The following TMEM108 variants were observed in gnomAD, a reference collection of about 807,000 sequenced individuals.
TMEM108 encodes the protein transmembrane protein 108, also known as cancer/testis antigen 124.
A neutral mutation model predicts 35.1 loss-of-function variants in TMEM108; 12 were observed. That is an observed-to-expected ratio of 0.34 (90% CI 0.22 to 0.55). The LOEUF is 0.55. Among genes scored for constraint, TMEM108 ranks in the 20% least tolerant of loss-of-function variants. The pLI, the probability that TMEM108 is intolerant of heterozygous loss-of-function variation, is 0.89. For missense variants in TMEM108, 680 were observed against 753.3 expected (o/e 0.90, Z 1.14); for synonymous variants, 287 against 308.6 (o/e 0.93, Z 0.73).
At chr3:133,131,167 A>G (rs1272275786) in intron 2 of TMEM108, among the ~76,000 whole-genome samples, 3 of 152,128 alleles carry the variant, frequency 2.0e-5, no homozygotes, top group African/African-American at 7.2e-5. Context: ...AGGGAAGGCA[A>G]TTGCACTTAA....
chr3:133,302,248 T>A (rs938973268), intron 3 of TMEM108, among the ~76,000 whole-genome samples: 6 of 152,180 alleles, frequency 3.9e-5, no homozygotes, highest in African/African-American at 1.4e-4. Context: ...CACATCAGTG[T>A]AACCACATGA....
chr3:133,054,816 A>G (rs6439384), intron 2 of TMEM108, among the ~76,000 whole-genome samples: 23,073 of 152,230 alleles, frequency 0.15, 2,295 homozygotes, highest in African/African-American at 0.29. Context: ...CGTCATTTCA[A>G]TGAATTATTT....
chr3:133,388,074 G>A (rs1461391160), intron 4 of TMEM108: 2 of 985,336 alleles, frequency 2.0e-6, no homozygotes, highest in African/African-American at 3.5e-5. Flanking sequence ...CTGAAGAGCT[G>A]TTCTGTTTGT....
chr3:133,193,471 A>AG (rs1945529778), intron 2 of TMEM108, among the ~76,000 whole-genome samples: 1 of 152,172 alleles, frequency 6.6e-6, no homozygotes, highest in Non-Finnish European at 1.5e-5. Context: ...GTTTGATAGA[A>AG]GGACAGTGAG....
chr3:133,171,910 A>C (rs1337146252), intron 2 of TMEM108, among the ~76,000 whole-genome samples: 1 of 152,216 alleles, frequency 6.6e-6, no homozygotes, highest in East Asian at 1.9e-4. Context: ...GCATTCTCAC[A>C]ATTTCCTGCA....
At chr3:133,120,606 G>T (rs1944341044) in intron 2 of TMEM108, among the ~76,000 whole-genome samples, 1 of 152,028 alleles carries the variant, frequency 6.6e-6, no homozygotes, top group Non-Finnish European at 1.5e-5. Context: ...TTATGTTTGT[G>T]TCTAATTTTT....
chr3:133,052,335 T>A (rs1200605392), intron 2 of TMEM108, among the ~76,000 whole-genome samples: 1 of 152,144 alleles, frequency 6.6e-6, no homozygotes, highest in Non-Finnish European at 1.5e-5. Flanking sequence ...TATTCTAGTA[T>A]CCTGCAACCT....
At chr3:133,079,436 T>C (rs1227773306) in intron 2 of TMEM108, among the ~76,000 whole-genome samples, 1 of 152,198 alleles carries the variant, frequency 6.6e-6, no homozygotes, top group Non-Finnish European at 1.5e-5. Flanking sequence ...TACAGTTGTG[T>C]AGGCTGGAAG....
At chr3:133,265,258 G>T (rs541113465) in intron 3 of TMEM108, among the ~76,000 whole-genome samples, 1 of 152,142 alleles carries the variant, frequency 6.6e-6, no homozygotes, top group Non-Finnish European at 1.5e-5. Context: ...GACAGCTTTT[G>T]TTCCTGTCTC....
intron 2 of TMEM108, among the ~76,000 whole-genome samples, chr3:133,069,170 C>T (rs914344329): frequency 6.6e-6 from 1 of 152,118 alleles, no homozygotes; most frequent in Non-Finnish European, 1.5e-5. Flanking sequence ...AGGATGGAGC[C>T]GATGGCTCTG....
chr3:133,308,936 G>T (rs1177910438), intron 3 of TMEM108, among the ~76,000 whole-genome samples: 1 of 152,178 alleles, frequency 6.6e-6, no homozygotes, highest in Non-Finnish European at 1.5e-5. Flanking sequence ...AGAAGGAATG[G>T]TACCAGCTCC....
chr3:133,225,505 ATTC>A (rs1946056895), intron 2 of TMEM108, among the ~76,000 whole-genome samples: 2 of 152,126 alleles, frequency 1.3e-5, no homozygotes, highest in Non-Finnish European at 2.9e-5. Flanking sequence ...CCTGAAAGGA[ATTC>A]TTCTGATTTC....
chr3:133,195,145 A>G (rs1945558585), intron 2 of TMEM108, among the ~76,000 whole-genome samples: 1 of 152,174 alleles, frequency 6.6e-6, no homozygotes, highest in African/African-American at 2.4e-5. Flanking sequence ...ATAATAAGAA[A>G]CGACAACTAA....
At chr3:133,085,572 T>A (rs1475175384) in intron 2 of TMEM108, among the ~76,000 whole-genome samples, 1 of 152,170 alleles carries the variant, frequency 6.6e-6, no homozygotes, top group Non-Finnish European at 1.5e-5. Flanking sequence ...TATGTTACAA[T>A]CAATTATAGT....
chr3:133,056,090 T>G (rs1361841471), intron 2 of TMEM108, among the ~76,000 whole-genome samples: 1 of 129,906 alleles, frequency 7.7e-6, no homozygotes, highest in Non-Finnish European at 1.7e-5. Context: ...CCTTAAGTTC[T>G]TTAGTCTCTT....
At chr3:133,170,812 G>A (rs952863983) in intron 2 of TMEM108, among the ~76,000 whole-genome samples, 1 of 152,092 alleles carries the variant, frequency 6.6e-6, no homozygotes, top group South Asian at 2.1e-4. Context: ...AAAAATATAG[G>A]TATTGTTGCT....
chr3:133,394,397 C>G (rs1271160117), intron 5 of TMEM108, among the ~76,000 whole-genome samples: 1 of 152,200 alleles, frequency 6.6e-6, no homozygotes, highest in African/African-American at 2.4e-5. Context: ...AACTTCCATT[C>G]TTTTTTCTTT....
intron 3 of TMEM108, among the ~76,000 whole-genome samples, chr3:133,290,798 A>C (rs1947052580): frequency 6.6e-6 from 1 of 152,160 alleles, no homozygotes; most frequent in Non-Finnish European, 1.5e-5. Context: ...GATTACCTTC[A>C]CTTTTTCCAG....
At chr3:133,314,017 CCTTT>C (rs992980603) in intron 3 of TMEM108, among the ~76,000 whole-genome samples, 2 of 152,064 alleles carry the variant, frequency 1.3e-5, no homozygotes, top group African/African-American at 4.8e-5. Flanking sequence ...AAAAATAACT[CCTTT>C]CTGCTGTCTT....
Sources: allele counts gnomAD v4.1 joint callset (sites outside exome capture counted in the v4.1 genomes callset), GRCh38; gene constraint gnomAD v4.1.1; transcripts MANE v1.5; gene names NCBI Gene and HGNC (gene_info 2026-07-23, HGNC 2026-07-21).